The following ZNF398 variants were observed in gnomAD, a reference collection of about 807,000 sequenced individuals.
ZNF398 encodes zinc finger DNA binding protein ZER6.
ZNF398 carries 18 observed loss-of-function variants against 41.9 expected under a neutral mutation model. The ratio of observed to expected loss-of-function variants is 0.43; its 90% CI spans 0.30 to 0.64. The LOEUF (loss-of-function observed/expected upper bound fraction) is 0.64, where lower values mean the gene tolerates loss of function less well. Ranked by LOEUF, ZNF398 falls within the 30% of genes least tolerant of loss-of-function variation. The probability of loss-of-function intolerance (pLI) is 0.14; values close to 1 mark genes in which losing one functional copy is unlikely to be tolerated. For synonymous variants in ZNF398, 260 were observed against 308.8 expected (o/e 0.84, Z 1.66); for missense variants, 669 against 822.8 (o/e 0.81, Z 2.29).
At chr7:149,128,779 A>ATAAAATAAAATAAAATAAAATAAAATT (rs1554459043) in intron 1 of ZNF398, 4 of 127,192 alleles carry the variant, frequency 3.1e-5, no homozygotes, top group African/African-American at 1.4e-4. Flanking sequence ...ATAAAATAAA[A>ATAAAATAAAATAAAATAAAATAAAATT]TTATATATAT....
intron 3 of ZNF398, 122 bp from the exon 4 acceptor site, chr7:149,166,695 T>G (rs944134187): frequency 3.7e-5 from 24 of 645,970 alleles, no homozygotes; most frequent in Non-Finnish European, 6.5e-5. Flanking sequence ...AGAAGTGATA[T>G]GAAATCTAAA....
rs1392144062 is a variant in ZNF398, at chr7:149,154,120, TGGA to T, written c.201_203del (p.Glu68del). ...ATCCACAGCCGGCGACTCCTACACC[TGGA>T]AGGTCGGACAGGGACAGCAGAGAAG... On this transcript the variant is annotated inframe_deletion, in exon 2 of 6. Transcript: ENST00000475153. 1 of 1,613,962 alleles carries T rather than the reference TGGA, an allele frequency of 6.2e-7. No homozygotes were observed. Among genetic ancestry groups the T allele is most frequent in the Admixed American group, 1.7e-5 (1 of 59,986 alleles).
rs763831466 is a variant in ZNF398 at position 149,179,287 on chromosome 7, T to C, written c.1415T>C (p.Leu472Pro). 5.0e-6 allele frequency: 8 copies of C among 1,612,974 alleles called. No homozygotes were observed. Residue 472 changes from leucine (L) to proline (P), a missense_variant, in exon 6 of 6, where the codon CTC (leucine) becomes CCC (proline). Leu to Pro is a moderately conservative substitution (Grantham distance 98). Transcript: ENST00000475153. This position sits in a 1 kb window ranked among gnomAD's most constrained non-coding sequence, Gnocchi z 6.1. ...RSFSLKISLL[L>P]HQRGHAQERP... ...TTCAGCTTGAAAATCAGCCTCCTGC[T>C]CCACCAGCGGGGTCATGCACAAGAG...
chr7:149,147,334 G>T (rs543213474), upstream of ZNF398: 741 of 153,858 alleles, frequency 4.8e-3, 2 homozygotes, highest in Non-Finnish European at 8.0e-3. This position sits in a 1 kb window ranked among gnomAD's most constrained non-coding sequence, Gnocchi z 5.6. Flanking sequence ...CAAGAGCTGG[G>T]GGGGAGGGGC....
At chr7:149,173,785 C>CTTTTTTTTT (rs528703910) in intron 4 of ZNF398, among the ~76,000 whole-genome samples, 1 of 71,590 alleles carries the variant, frequency 1.4e-5, no homozygotes, top group Non-Finnish European at 2.7e-5. Context: ...TAGCATAATT[C>CTTTTTTTTT]TTTTTTTTTT....
chr7:149,147,632 C>A lies in ZNF398; in HGVS notation c.-111C>A. 7.8e-6 allele frequency: 9 copies of A among 1,151,184 alleles called. No homozygotes were observed. The highest frequency in any genetic ancestry group is 4.1e-5 in the South Asian group (1 of 24,370). The allele number at this position is 1,151,184 out of a possible 1,614,324, so 71.3% of individuals were successfully genotyped here. On this transcript the variant is annotated 5_prime_UTR_variant, in exon 1 of 6. Transcript: ENST00000475153. The surrounding 1 kb of genome is among the most constrained non-coding windows in gnomAD (Gnocchi z 5.6). ...CCGTGCGGGGAAGGCAGGGCCGGGTCGGCGCCGCCTGTGGAGAGGACCCGG... is the reference window on the plus strand; with the variant it reads ...CCGTGCGGGGAAGGCAGGGCCGGGTAGGCGCCGCCTGTGGAGAGGACCCGG...
At chr7:149,149,170 T>G (rs146411323) in intron 1 of ZNF398, among the ~76,000 whole-genome samples, 116 of 152,148 alleles carry the variant, frequency 7.6e-4, no homozygotes, top group African/African-American at 2.5e-3. Context: ...ATAGATGAAA[T>G]TAATTTTAAT....
chr7:149,142,727 T>C (rs182103029), upstream of ZNF398, among the ~76,000 whole-genome samples: 368 of 152,298 alleles, frequency 2.4e-3, 1 homozygote, highest in Non-Finnish European at 4.1e-3. Context: ...CTTAACTTTT[T>C]ATGTTTGACC....
At chr7:149,147,284 C>T (rs993802821), upstream of ZNF398, 2 of 152,318 alleles carry the variant, frequency 1.3e-5, no homozygotes, top group African/African-American at 4.8e-5. This position sits in a 1 kb window ranked among gnomAD's most constrained non-coding sequence, Gnocchi z 5.6. Context: ...AAGCGGAACA[C>T]ACGTGGGCCC....
At chr7:149,152,995 G>A (rs191101258) in intron 1 of ZNF398, among the ~76,000 whole-genome samples, 5 of 151,842 alleles carry the variant, frequency 3.3e-5, no homozygotes, top group African/African-American at 1.2e-4. Context: ...CGAGTAGCTG[G>A]TGTTACAGAT....
At position 149,181,406 on chromosome 7, in the gene ZNF398, A is replaced by G. The variant is rs1016713145; in HGVS notation, c.*1605A>G. Reference sequence around the variant, plus strand: ...TTGGGCAGGAAACTGGTTTATTCCTATACTCTTGTTTCCTCTGCTTCTTCC... The same window carrying G: ...TTGGGCAGGAAACTGGTTTATTCCTGTACTCTTGTTTCCTCTGCTTCTTCC... On this transcript the variant is annotated 3_prime_UTR_variant, in exon 6 of 6. Transcript: ENST00000475153. The G allele has an allele frequency of 3.3e-5, 5 of 152,208 alleles. No individual in the cohort carries two copies. Among genetic ancestry groups the G allele is most frequent in the African/African-American group, 1.2e-4 (5 of 41,456 alleles). The allele number at this position is 152,208 out of a possible 1,614,324, so 9.4% of individuals were successfully genotyped here.
chr7:149,138,192 ACT>A (rs2129519478), intron 2 of ZNF398, among the ~76,000 whole-genome samples: 1 of 149,050 alleles, frequency 6.7e-6, no homozygotes, highest in South Asian at 2.1e-4. Context: ...TAAGAGCGAA[ACT>A]CTGTCTCAAA....
chr7:149,151,209 A>G (rs997851654), intron 1 of ZNF398: 102 of 1,201,878 alleles, frequency 8.5e-5, no homozygotes, highest in Non-Finnish European at 1.1e-4. Flanking sequence ...TCCTCTAGGC[A>G]CGCTTACTAA....
chr7:149,146,579 T>C (rs1781513137), upstream of ZNF398, among the ~76,000 whole-genome samples: 1 of 151,312 alleles, frequency 6.6e-6, no homozygotes, highest in South Asian at 2.1e-4. Flanking sequence ...CCGGGCGCAA[T>C]GGCTCACGCT....
rs10216169 is a variant in ZNF398 at position 149,158,007 on chromosome 7, A to G, written c.420+3667A>G. 9.8e-3 allele frequency among the ~76,000 whole-genome samples: 1,478 copies of G among 150,090 alleles called. 29 individuals carry two copies. The highest frequency in any genetic ancestry group is 0.034 in the African/African-American group (1,386 of 40,738). On this transcript the variant is annotated intron_variant, in intron 2 of 5. Transcript: ENST00000475153. ...TGTGGCAGGAGAATCGCTTGAACCC[A>G]GGAGGTGGAGGTTGCAGTAAGCCGA... is the stretch of plus-strand genomic sequence containing the variant.
chr7:149,153,581 A>T (rs1585517814), intron 1 of ZNF398, among the ~76,000 whole-genome samples: 1 of 152,174 alleles, frequency 6.6e-6, no homozygotes, highest in South Asian at 2.1e-4. Flanking sequence ...TAATGGATTT[A>T]TCAGAGGGCA....
intron 2 of ZNF398, among the ~76,000 whole-genome samples, chr7:149,134,467 A>G (rs1237413029): frequency 6.6e-6 from 1 of 151,690 alleles, no homozygotes; most frequent in African/African-American, 2.4e-5. Context: ...AGCTCACTGC[A>G]GCCTCCACCC....
chr7:149,135,389 CAAAAAAAAAAAA>C (rs777888671), intron 2 of ZNF398, among the ~76,000 whole-genome samples: 1,344 of 61,502 alleles, frequency 0.022, 19 homozygotes, highest in Non-Finnish European at 0.027. Context: ...GACTCTGTCT[CAAAAAAAAAAAA>C]AAAAAAAAAA....
chr7:149,167,592 C>T (rs960648306), intron 4 of ZNF398, among the ~76,000 whole-genome samples: 2 of 152,016 alleles, frequency 1.3e-5, no homozygotes, highest in Non-Finnish European at 2.9e-5. Flanking sequence ...TCTCTTACAA[C>T]CCACCCGCTA....
Sources: gnomAD v4.1 joint callset for allele counts (sites outside exome capture counted in the v4.1 genomes callset) on GRCh38, gnomAD v4.1.1 for gene constraint, Gnocchi (gnomAD v3.1) non-coding constraint, MANE v1.5 for transcripts, NCBI Gene and HGNC (gene_info 2026-07-23, HGNC 2026-07-21) for gene names.